The following GRAMD1C variants were observed in gnomAD, a reference collection of about 807,000 sequenced individuals.
GRAMD1C encodes protein Aster-C.
A neutral mutation model predicts 97.8 loss-of-function variants in GRAMD1C; 89 were observed. The observed-to-expected ratio is 0.91, with a 90% CI of 0.77 to 1.09. The LOEUF (loss-of-function observed/expected upper bound fraction) is 1.09, where lower values mean the gene tolerates loss of function less well. Ranked by LOEUF, GRAMD1C falls within the 50% of genes least tolerant of loss-of-function variation. GRAMD1C has a pLI of 0.00. For synonymous variants in GRAMD1C, 256 were observed against 267.0 expected (o/e 0.96, Z 0.40); for missense variants, 740 against 766.4 (o/e 0.97, Z 0.41).
At chr3:113,895,110 A>G (rs143564095) in intron 6 of GRAMD1C, among the ~76,000 whole-genome samples, 2,062 of 152,302 alleles carry the variant, frequency 0.014, 38 homozygotes, top group African/African-American at 0.047. Context: ...ATAGAGAACC[A>G]TATGGAGATG....
intron 10 of GRAMD1C, among the ~76,000 whole-genome samples, chr3:113,921,824 T>A (rs1937068385): frequency 6.6e-6 from 1 of 152,214 alleles, no homozygotes; most frequent in African/African-American, 2.4e-5. Flanking sequence ...TTTTTGCTTA[T>A]TAATTTCTTT....
rs146148397 is a variant in GRAMD1C at position 113,901,888 on chromosome 3, T to C, written c.656+742T>C. Among the ~76,000 whole-genome samples, 37 of 152,324 alleles carry C rather than the reference T, an allele frequency of 2.4e-4. No individual in the cohort carries two copies. In the East Asian group the frequency reaches 5.8e-3, roughly 24 times the overall value. On this transcript the variant is annotated intron_variant, in intron 7 of 17. Coordinates refer to ENST00000358160, the MANE Select transcript of GRAMD1C (RefSeq NM_017577.5). ...AAAGGCCATATATTGTATGATTCCA[T>C]GTATGTGAAATGGAGTCTAGAACTG...
chr3:113,875,822 C>T (rs1935007724), intron 4 of GRAMD1C: 1 of 402,558 alleles, frequency 2.5e-6, no homozygotes, highest in South Asian at 5.5e-5. Flanking sequence ...TGAAAAAAAG[C>T]TTGAACATAT....
chr3:113,914,069 A>G (rs907000058), intron 9 of GRAMD1C, among the ~76,000 whole-genome samples: 1 of 152,244 alleles, frequency 6.6e-6, no homozygotes, highest in East Asian at 1.9e-4. Flanking sequence ...TCTGTGAAGG[A>G]AATGAACAAG....
chr3:113,922,684 T>C (rs1025597955), intron 10 of GRAMD1C, among the ~76,000 whole-genome samples: 1 of 152,210 alleles, frequency 6.6e-6, no homozygotes, highest in South Asian at 2.1e-4. Flanking sequence ...GGTTGTCTTA[T>C]AGTATAGCTT....
intron 1 of GRAMD1C, among the ~76,000 whole-genome samples, chr3:113,843,833 G>A (rs1403366746): frequency 1.3e-5 from 2 of 152,130 alleles, no homozygotes; most frequent in Non-Finnish European, 2.9e-5. Flanking sequence ...TCTATTGATG[G>A]ACGGTGAGGT....
At chr3:113,929,263 C>T (rs74545013) in intron 10 of GRAMD1C, among the ~76,000 whole-genome samples, 4 of 152,146 alleles carry the variant, frequency 2.6e-5, no homozygotes, top group Non-Finnish European at 5.9e-5. Context: ...TGTCCTTTTG[C>T]GTACTAGCCA....
intron 13 of GRAMD1C, among the ~76,000 whole-genome samples, chr3:113,934,772 C>G (rs1027941754): frequency 1.3e-5 from 2 of 152,020 alleles, no homozygotes; most frequent in African/African-American, 4.8e-5. Context: ...GAGATGGAGT[C>G]TTGCTTTGTT....
chr3:113,939,710 A>C, intron 15 of GRAMD1C, 176 bp from the exon 16 acceptor site: 1 of 510,994 alleles, frequency 2.0e-6, no homozygotes, highest in Non-Finnish European at 3.5e-6. Flanking sequence ...ACCTCCACTT[A>C]ATACTTACAA....
upstream of GRAMD1C, among the ~76,000 whole-genome samples, chr3:113,835,493 G>C (rs185615352): frequency 1.2e-3 from 180 of 152,288 alleles, 2 homozygotes; most frequent in African/African-American, 4.1e-3. Context: ...TCAGTGAAAG[G>C]GTGTTAGAAA....
chr3:113,864,413 T>A (rs1934507865), intron 2 of GRAMD1C, among the ~76,000 whole-genome samples: 2 of 152,150 alleles, frequency 1.3e-5, no homozygotes. Flanking sequence ...CGCGCCGGCC[T>A]ATTTTATTTT....
At chr3:113,905,682 G>C (rs750293962) in intron 8 of GRAMD1C, among the ~76,000 whole-genome samples, 1 of 151,840 alleles carries the variant, frequency 6.6e-6, no homozygotes, top group Non-Finnish European at 1.5e-5. Flanking sequence ...CTGCATATGT[G>C]GTGGTGGTCT....
At chr3:113,840,378 G>A (rs899701343) in intron 1 of GRAMD1C, among the ~76,000 whole-genome samples, 1 of 152,126 alleles carries the variant, frequency 6.6e-6, no homozygotes, top group Admixed American at 6.5e-5. Flanking sequence ...CTGGCTCCAG[G>A]TCTTTTTTTC....
chr3:113,898,439 A>C (rs1936019960), intron 6 of GRAMD1C, among the ~76,000 whole-genome samples: 1 of 152,142 alleles, frequency 6.6e-6, no homozygotes, highest in African/African-American at 2.4e-5. Flanking sequence ...AGAATGAGTT[A>C]ATTAGTAGTG....
At chr3:113,890,770 A>G in intron 6 of GRAMD1C, 1 of 698,510 alleles carries the variant, frequency 1.4e-6, no homozygotes, top group Non-Finnish European at 2.6e-6. Context: ...GTGAGTTGGG[A>G]TATGTCCTTA....
upstream of GRAMD1C, among the ~76,000 whole-genome samples, chr3:113,837,240 G>T (rs1479386144): frequency 6.6e-6 from 1 of 152,056 alleles, no homozygotes; most frequent in Non-Finnish European, 1.5e-5. Flanking sequence ...CCAAAGTGCT[G>T]GAATTACATG....
At chr3:113,830,627 T>C (rs1480792770) in intron 1 of GRAMD1C, among the ~76,000 whole-genome samples, 1 of 152,222 alleles carries the variant, frequency 6.6e-6, no homozygotes, top group Non-Finnish European at 1.5e-5. Flanking sequence ...CAATGAGAAG[T>C]ATTTGTGTAT....
At chr3:113,853,927 A>G (rs1432785676) in intron 2 of GRAMD1C, among the ~76,000 whole-genome samples, 1 of 152,126 alleles carries the variant, frequency 6.6e-6, no homozygotes, top group East Asian at 1.9e-4. Flanking sequence ...GGGAAAGCGC[A>G]GGGTGTTCTA....
rs116442433 is a variant in GRAMD1C, at chr3:113,886,594, C to T, written c.540+3762C>T. Among the ~76,000 whole-genome samples the T allele has an allele frequency of 9.4e-3, 1,424 of 151,670 alleles. 19 individuals carry two copies. Among genetic ancestry groups the T allele is most frequent in the African/African-American group, 0.031 (1,287 of 41,330 alleles). On this transcript the variant is annotated intron_variant, in intron 6 of 17. Transcript: ENST00000358160. ...ACCAGCTTTGTGTCTTTTTTCCTTT[C>T]CTCTCTTTTAAACCACACATTATAA...
Sources: gnomAD v4.1 joint callset for allele counts (sites outside exome capture counted in the v4.1 genomes callset) on GRCh38, gnomAD v4.1.1 for gene constraint, MANE v1.5 for transcripts, NCBI Gene and HGNC (gene_info 2026-07-23, HGNC 2026-07-21) for gene names.